Variants in SLC37A1 observed in about 807,000 individuals in gnomAD.
SLC37A1 encodes glucose-6-phosphate exchanger SLC37A1.
SLC37A1 carries 49 observed loss-of-function variants against 75.3 expected under a neutral mutation model. The observed-to-expected ratio is 0.65, with a 90% CI of 0.52 to 0.83. The LOEUF (loss-of-function observed/expected upper bound fraction) is 0.83, where lower values mean the gene tolerates loss of function less well. Among genes scored for constraint, SLC37A1 ranks in the 40% least tolerant of loss-of-function variants. SLC37A1 has a pLI of 0.00. For missense variants in SLC37A1, 566 were observed against 695.0 expected (o/e 0.81, Z 2.09); for synonymous variants, 268 against 292.1 (o/e 0.92, Z 0.84).
At chr21:42,522,441 A>G (rs1443080850) in intron 2 of SLC37A1, among the ~76,000 whole-genome samples, 1 of 152,204 alleles carries the variant, frequency 6.6e-6, no homozygotes, top group East Asian at 1.9e-4. Context: ...GGCCAGGCGT[A>G]TCGGGGTGAC....
At chr21:42,556,566 A>G (rs949415796) in intron 10 of SLC37A1, among the ~76,000 whole-genome samples, 7 of 152,124 alleles carry the variant, frequency 4.6e-5, no homozygotes, top group African/African-American at 1.7e-4. Flanking sequence ...AGTAGAGGGA[A>G]CCCTTTTCTC....
chr21:42,540,735 G>A (rs2055258508), intron 6 of SLC37A1, among the ~76,000 whole-genome samples: 2 of 152,156 alleles, frequency 1.3e-5, no homozygotes, highest in South Asian at 2.1e-4. Flanking sequence ...TCCCCAGATA[G>A]GTCAGGGGAA....
chr21:42,565,483 G>C (rs969209268), intron 14 of SLC37A1, among the ~76,000 whole-genome samples: 3 of 152,244 alleles, frequency 2.0e-5, no homozygotes, highest in African/African-American at 7.2e-5. Flanking sequence ...GGGGTGGGCA[G>C]CCTGAGGACT....
intron 13 of SLC37A1, among the ~76,000 whole-genome samples, chr21:42,564,144 G>A (rs1182971107): frequency 1.3e-5 from 2 of 149,394 alleles, no homozygotes; most frequent in Non-Finnish European, 3.0e-5. Flanking sequence ...CAGCACTGTG[G>A]GATGCTGAGT....
chr21:42,521,591 C>T (rs529711429), intron 2 of SLC37A1, among the ~76,000 whole-genome samples: 1 of 152,222 alleles, frequency 6.6e-6, no homozygotes, highest in Non-Finnish European at 1.5e-5. Context: ...AACACGTGGT[C>T]TTCCAGAACA....
At chr21:42,573,924 A>C (rs187034550) in intron 17 of SLC37A1, among the ~76,000 whole-genome samples, 3 of 152,364 alleles carry the variant, frequency 2.0e-5, no homozygotes, top group Non-Finnish European at 2.9e-5. Flanking sequence ...ATCATTTAAA[A>C]ACACATCTTG....
intron 3 of SLC37A1, among the ~76,000 whole-genome samples, chr21:42,530,652 A>ACACACACC (rs1568997094): frequency 8.0e-5 from 2 of 25,086 alleles, no homozygotes; most frequent in East Asian, 8.9e-4. Context: ...ACACACACAC[A>ACACACACC]CACCCCCTCT....
rs1284668111 is a variant in SLC37A1 at position 42,568,709 on chromosome 21, C to G, written c.1423+271C>G. On this transcript the variant is annotated intron_variant, in intron 17 of 19. Coordinates refer to ENST00000352133, the MANE Select transcript of SLC37A1 (RefSeq NM_001320537.2). ...TGGCAAACTACAGCCCGTGGGCTAA[C>G]TCAGGTCCACTCATTATTTATCGCC... is the stretch of plus-strand genomic sequence containing the variant. 1.5e-4 allele frequency among the ~76,000 whole-genome samples: 23 copies of G among 152,212 alleles called. 1 individual carries two copies. Among genetic ancestry groups the G allele is most frequent in the Admixed American group, 1.5e-3 (23 of 15,288 alleles).
chr21:42,570,318 T>TTCTGAGAAGCGGC lies in SLC37A1; in HGVS notation c.1423+1880_1423+1881insTCTGAGAAGCGGC. Among the ~76,000 whole-genome samples the TTCTGAGAAGCGGC allele has an allele frequency of 7.2e-4, 70 of 96,940 alleles. 7 individuals carry two copies. The highest frequency in any genetic ancestry group is 1.3e-3 in the African/African-American group (29 of 22,498). 63.6% of individuals were successfully genotyped at this position (96,940 alleles called of 152,430 possible). A position where few individuals can be genotyped will look rare whatever the true frequency, so the allele number is the denominator to read the frequency against. ...CACACGGCCTGGTTCTGAGAAGTGG[T>TTCTGAGAAGCGGC]GGGCAGGGTGGCTGTTGCTCAGAAA... On this transcript the variant is annotated intron_variant, in intron 17 of 19. Coordinates refer to ENST00000352133, the MANE Select transcript of SLC37A1 (RefSeq NM_001320537.2).
intron 18 of SLC37A1, chr21:42,575,288 G>A (rs998234725): frequency 1.0e-6 from 1 of 985,446 alleles, no homozygotes; most frequent in Non-Finnish European, 1.2e-6. Flanking sequence ...CAAGATTGTT[G>A]TGGGAATTAA....
chr21:42,535,596 C>T, intron 5 of SLC37A1, 46 bp downstream of exon 5: 1 of 1,535,244 alleles, frequency 6.5e-7, no homozygotes, highest in Non-Finnish European at 9.0e-7. Flanking sequence ...TACCTGGCCC[C>T]TCCGTGCAGA....
intron 8 of SLC37A1, among the ~76,000 whole-genome samples, chr21:42,544,045 A>G (rs2055349468): frequency 6.6e-6 from 1 of 152,248 alleles, no homozygotes; most frequent in Admixed American, 6.5e-5. Flanking sequence ...TATCTCTTGG[A>G]AAATCAAATC....
At position 42,518,405 on chromosome 21, in the gene SLC37A1, A is replaced by C. The variant is rs1348352340; in HGVS notation, c.-50A>C. The C allele has an allele frequency of 6.2e-7, 1 of 1,611,538 alleles. No individual in the cohort carries two copies. Among genetic ancestry groups the C allele is most frequent in the Admixed American group, 1.7e-5 (1 of 59,988 alleles). On this transcript the variant is annotated 5_prime_UTR_variant, in exon 2 of 20. The change abolishes an upstream ATG in the 5' untranslated region. Coordinates refer to ENST00000352133, the MANE Select transcript of SLC37A1 (RefSeq NM_001320537.2). ...TGGAGCCAGGATTAATGACTCATTT[A>C]TGAAGCATCTTATTCTGCGACCGAG...
chr21:42,573,900 C>T (rs529229050), intron 17 of SLC37A1, among the ~76,000 whole-genome samples: 2 of 152,180 alleles, frequency 1.3e-5, no homozygotes, highest in African/African-American at 2.4e-5. Flanking sequence ...TAGGGGGATA[C>T]GTTATTTGTT....
intron 1 of SLC37A1, among the ~76,000 whole-genome samples, chr21:42,517,128 G>C (rs1386170730): frequency 1.3e-5 from 2 of 152,220 alleles, no homozygotes; most frequent in Non-Finnish European, 2.9e-5. Context: ...GATAATATCA[G>C]CTAGTGTTTG....
intron 14 of SLC37A1, among the ~76,000 whole-genome samples, chr21:42,565,455 G>C (rs1170967751): frequency 6.6e-6 from 1 of 152,254 alleles, no homozygotes; most frequent in Non-Finnish European, 1.5e-5. Context: ...GCTTGGGTGG[G>C]CCCCTTGCTG....
rs2055389926 is a variant in SLC37A1 at position 42,545,676 on chromosome 21, G to A, written c.731-1427G>A. Among the ~76,000 whole-genome samples the A allele has an allele frequency of 6.6e-6, 1 of 152,242 alleles. No homozygotes were observed. The highest frequency in any genetic ancestry group is 2.1e-4 in the South Asian group (1 of 4,834). ...TGAAAGTCCAGGAAGAGCCATATCA[G>A]GGGAAGCCCCTGGCTTACCCCTGGG... On this transcript the variant is annotated intron_variant, in intron 8 of 19. Transcript: ENST00000352133. This position sits in a 1 kb window ranked among gnomAD's most constrained non-coding sequence, Gnocchi z 4.0.
At chr21:42,544,968 G>C (rs1294129836) in intron 8 of SLC37A1, among the ~76,000 whole-genome samples, 1 of 152,220 alleles carries the variant, frequency 6.6e-6, no homozygotes, top group Non-Finnish European at 1.5e-5. Flanking sequence ...GAAAGGGGCT[G>C]GCTCTGGGGA....
intron 12 of SLC37A1, 123 bp downstream of exon 12, chr21:42,562,291 C>T (rs1179374549): frequency 3.2e-5 from 26 of 806,306 alleles, no homozygotes; most frequent in Middle Eastern, 3.1e-4. Flanking sequence ...GAGAGGTACA[C>T]CTTTGAATAA....
Sources: gnomAD v4.1 joint callset for allele counts (sites outside exome capture counted in the v4.1 genomes callset) on GRCh38, gnomAD v4.1.1 for gene constraint, Gnocchi (gnomAD v3.1) non-coding constraint, MANE v1.5 for transcripts, NCBI Gene and HGNC (gene_info 2026-07-23, HGNC 2026-07-21) for gene names.